PIEZO2: variants seen among roughly 807,000 people sequenced by gnomAD.
The protein encoded by PIEZO2 is piezo-type mechanosensitive ion channel component 2.
Under a neutral mutation model 337.3 loss-of-function variants are expected in PIEZO2, and 172 were observed. The observed-to-expected ratio is 0.51, with a 90% CI of 0.45 to 0.58. The LOEUF (loss-of-function observed/expected upper bound fraction) is 0.58. Among genes scored for constraint, PIEZO2 ranks in the 20% least tolerant of loss-of-function variants. The probability of loss-of-function intolerance (pLI) is 0.00; values close to 1 mark genes in which losing one functional copy is unlikely to be tolerated. For synonymous variants in PIEZO2, 1,251 were observed against 1,228.5 expected (o/e 1.02, Z -0.38); for missense variants, 3,028 against 3,391.3 (o/e 0.89, Z 2.66).
intron 3 of PIEZO2, among the ~76,000 whole-genome samples, chr18:10,949,458 C>T (rs1004659870): frequency 1.3e-5 from 2 of 151,562 alleles, no homozygotes; most frequent in African/African-American, 4.9e-5. Context: ...GTTCTCTAGC[C>T]CAGGGGTGAC....
rs552510679 is a variant in PIEZO2, at chr18:11,069,021, C to T, written c.65-2799G>A. On this transcript the variant is annotated intron_variant, in intron 1 of 55. Coordinates refer to ENST00000674853, the MANE Select transcript of PIEZO2 (RefSeq NM_001378183.1). This position sits in a 1 kb window ranked among gnomAD's most constrained non-coding sequence, Gnocchi z 4.9. Reference sequence around the variant, plus strand: ...TAGTAAAAAGTAAGGAGATTGGAATCGGTGATAAAAAGTCTCCCCTCAAAA... The same window carrying T: ...TAGTAAAAAGTAAGGAGATTGGAATTGGTGATAAAAAGTCTCCCCTCAAAA... 1.3e-5 allele frequency among the ~76,000 whole-genome samples: 2 copies of T among 151,818 alleles called. No homozygotes were observed. The highest frequency in any genetic ancestry group is 2.4e-5 in the African/African-American group (1 of 41,256).
At chr18:11,106,045 A>AATGCT (rs2146115882) in intron 1 of PIEZO2, among the ~76,000 whole-genome samples, 1 of 152,256 alleles carries the variant, frequency 6.6e-6, no homozygotes, top group South Asian at 2.1e-4. Context: ...GATAACTAAA[A>AATGCT]ATGCTACACT....
In PIEZO2 at chr18:11,112,586, T is replaced by C. The variant is rs2039768029; in HGVS notation, c.64+35939A>G. Among the ~76,000 whole-genome samples the C allele has an allele frequency of 6.6e-6, 1 of 152,170 alleles. No homozygotes were observed. The highest frequency in any genetic ancestry group is 6.5e-5 in the Admixed American group (1 of 15,278). ...AGCAGCTATCGAAACCACATAAACA[T>C]TGCATACTAGTCAGAGGCTCACCAG... On this transcript the variant is annotated intron_variant, in intron 1 of 55. Coordinates refer to ENST00000674853, the MANE Select transcript of PIEZO2 (RefSeq NM_001378183.1). The surrounding 1 kb of genome is among the most constrained non-coding windows in gnomAD (Gnocchi z 4.3).
Position 10,903,634 on chromosome 18 carries a change from C to T in PIEZO2, c.329+7552G>A, listed in dbSNP as rs1188987115. 1.3e-5 allele frequency among the ~76,000 whole-genome samples: 2 copies of T among 152,058 alleles called. No individual in the cohort carries two copies. The highest frequency in any genetic ancestry group is 2.9e-5 in the Non-Finnish European group (2 of 68,000). ...CTTGCAGTGAGCCGAGATCACACCA[C>T]TGCACTCCAGCCTGGGCGACAGAGC... On this transcript the variant is annotated intron_variant, in intron 4 of 55. Transcript: ENST00000674853. The surrounding 1 kb of genome is among the most constrained non-coding windows in gnomAD (Gnocchi z 4.1).
Position 11,099,934 on chromosome 18 carries a change from G to A in PIEZO2, c.65-33712C>T, listed in dbSNP as rs2039362467. On this transcript the variant is annotated intron_variant, in intron 1 of 55. Transcript: ENST00000674853. The surrounding 1 kb of genome is among the most constrained non-coding windows in gnomAD (Gnocchi z 5.4). ...TATGTATCATAGAAACCAAGCCTTTGTTAATTATATAATCACAAATGTTTT... is the reference window on the plus strand; with the variant it reads ...TATGTATCATAGAAACCAAGCCTTTATTAATTATATAATCACAAATGTTTT... 1.3e-5 allele frequency among the ~76,000 whole-genome samples: 2 copies of A among 152,040 alleles called. No homozygotes were observed. Among genetic ancestry groups the A allele is most frequent in the Admixed American group, 1.3e-4 (2 of 15,270 alleles).
chr18:11,006,360 T>C (rs1001123924), intron 2 of PIEZO2, among the ~76,000 whole-genome samples: 1 of 152,192 alleles, frequency 6.6e-6, no homozygotes, highest in Non-Finnish European at 1.5e-5. Context: ...AACGAATGAA[T>C]GAAATATATC....
At chr18:11,023,045 A>G (rs2036372696) in intron 2 of PIEZO2, among the ~76,000 whole-genome samples, 1 of 152,056 alleles carries the variant, frequency 6.6e-6, no homozygotes, top group African/African-American at 2.4e-5. Flanking sequence ...CGTTGGCTTC[A>G]GGAGTGAAGC....
At chr18:10,906,423 C>T (rs576267889) in intron 4 of PIEZO2, among the ~76,000 whole-genome samples, 1 of 152,216 alleles carries the variant, frequency 6.6e-6, no homozygotes, top group Admixed American at 6.5e-5. Flanking sequence ...TAAGCAAAAA[C>T]TTTGATTTCT....
At chr18:11,008,519 G>A (rs993462885) in intron 2 of PIEZO2, among the ~76,000 whole-genome samples, 1 of 152,114 alleles carries the variant, frequency 6.6e-6, no homozygotes, top group Non-Finnish European at 1.5e-5. Flanking sequence ...GCCTGTCTTT[G>A]GCTATCCACT....
intron 7 of PIEZO2, among the ~76,000 whole-genome samples, chr18:10,827,749 A>T (rs2144513670): frequency 6.6e-6 from 1 of 152,294 alleles, no homozygotes; most frequent in South Asian, 2.1e-4. Context: ...AGGCAACTAC[A>T]ACCTTGGACA....
chr18:10,708,204 T>C (rs1283056502), intron 40 of PIEZO2, 71 bp downstream of exon 40: 2 of 147,340 alleles, frequency 1.4e-5, no homozygotes, highest in Non-Finnish European at 3.0e-5. Context: ...CAAGAACTTA[T>C]ATTTGCAGTG....
At position 11,070,324 on chromosome 18, in the gene PIEZO2, G is replaced by GTCAACATT. The variant is rs1354416390; in HGVS notation, c.65-4110_65-4103dup. Among the ~76,000 whole-genome samples, 3 of 152,170 alleles carry GTCAACATT rather than the reference G, an allele frequency of 2.0e-5. No homozygotes were observed. The highest frequency in any genetic ancestry group is 6.5e-5 in the Admixed American group (1 of 15,272). ...TCTTAGGGGACCAACCCCACAGACT[G>GTCAACATT]TCAACATTCCTGCTCGGTGACTATC... On this transcript the variant is annotated intron_variant, in intron 1 of 55. Transcript: ENST00000674853. The surrounding 1 kb of genome is among the most constrained non-coding windows in gnomAD (Gnocchi z 4.3).
At chr18:10,998,214 T>C (rs987300288) in intron 2 of PIEZO2, among the ~76,000 whole-genome samples, 1 of 152,046 alleles carries the variant, frequency 6.6e-6, no homozygotes, top group African/African-American at 2.4e-5. Flanking sequence ...GAAGGAAAAT[T>C]AACCTGCTAT....
chr18:10,736,328 G>A (rs530138698), intron 34 of PIEZO2, among the ~76,000 whole-genome samples: 4 of 152,254 alleles, frequency 2.6e-5, no homozygotes, highest in Non-Finnish European at 4.4e-5. Context: ...TTCACCCAAC[G>A]AAGCTTTATT....
intron 3 of PIEZO2, among the ~76,000 whole-genome samples, chr18:10,965,423 T>C (rs2033958787): frequency 6.6e-6 from 1 of 152,230 alleles, no homozygotes; most frequent in Non-Finnish European, 1.5e-5. Context: ...TTTAATGTGT[T>C]TCTTGCTCAT....
intron 4 of PIEZO2, among the ~76,000 whole-genome samples, chr18:10,879,549 C>T (rs981354230): frequency 1.3e-5 from 2 of 152,062 alleles, no homozygotes; most frequent in African/African-American, 4.8e-5. Flanking sequence ...GCACCCGCCA[C>T]CACGCCTGGC....
rs2039209110 is a variant in PIEZO2 at position 11,094,620 on chromosome 18, C to CT, written c.65-28399dup. Among the ~76,000 whole-genome samples, 1 of 152,206 alleles carries CT rather than the reference C, an allele frequency of 6.6e-6. No homozygotes were observed. The highest frequency in any genetic ancestry group is 2.1e-4 in the South Asian group (1 of 4,834). ...GACAGATGGCAACGGCACCCTGGCC[C>CT]TTCCTACCTAACTCCAGCTGCTCTT... On this transcript the variant is annotated intron_variant, in intron 1 of 55. Coordinates refer to ENST00000674853, the MANE Select transcript of PIEZO2 (RefSeq NM_001378183.1). The surrounding 1 kb of genome is among the most constrained non-coding windows in gnomAD (Gnocchi z 4.4).
chr18:11,091,203 A>G (rs1368943684), intron 1 of PIEZO2, among the ~76,000 whole-genome samples: 3 of 151,782 alleles, frequency 2.0e-5, no homozygotes, highest in Admixed American at 6.6e-5. Flanking sequence ...GGCCAGCATG[A>G]TGAAACCCCG....
intron 2 of PIEZO2, among the ~76,000 whole-genome samples, chr18:10,998,169 T>C (rs2035396751): frequency 6.6e-6 from 1 of 152,076 alleles, no homozygotes; most frequent in Admixed American, 6.6e-5. Flanking sequence ...GAAACTGTCC[T>C]TCAGGAATGA....
Sources: gnomAD v4.1 joint callset for allele counts (sites outside exome capture counted in the v4.1 genomes callset) on GRCh38, gnomAD v4.1.1 for gene constraint, Gnocchi (gnomAD v3.1) non-coding constraint, MANE v1.5 for transcripts, NCBI Gene and HGNC (gene_info 2026-07-23, HGNC 2026-07-21) for gene names.